TRAP1: variants seen among roughly 807,000 people sequenced by gnomAD.
TRAP1 encodes the protein TNF receptor associated protein 1, also known as heat shock protein 75 kDa, mitochondrial.
A neutral mutation model predicts 89.1 loss-of-function variants in TRAP1; 102 were observed. That is an observed-to-expected ratio of 1.15 (90% CI 0.98 to 1.35). TRAP1 has a LOEUF of 1.35. TRAP1 is among the 40% of genes most tolerant of loss of function. The pLI is 0.00. For synonymous variants in TRAP1, 508 were observed against 388.0 expected, an observed-to-expected ratio of 1.31 and a Z score of -3.64; for missense variants, 1,256 against 945.3, an observed-to-expected ratio of 1.33 and a Z score of -4.31.
chr16:3,672,869 C>T, intron 9 of TRAP1, 49 bp from the exon 10 acceptor site: 1 of 1,571,860 alleles, frequency 6.4e-7, no homozygotes, highest in Non-Finnish European at 8.6e-7. Flanking sequence ...CCTCCCCAGG[C>T]AGGCCCTGGC....
chr16:3,658,471 C>T, intron 17 of TRAP1: 1 of 581,386 alleles, frequency 1.7e-6, no homozygotes, highest in South Asian at 2.1e-5. Context: ...CTCACGAGGT[C>T]AGGAGATTGA....
rs372357533 is a variant in TRAP1 at position 3,675,414 on chromosome 16, A to G, written c.815-17T>C. The G allele has an allele frequency of 3.7e-6, 6 of 1,613,574 alleles. No homozygotes were observed. In the African/African-American group the frequency reaches 6.7e-5, roughly 18 times the overall value. Reference sequence around the variant, plus strand: ...TTACCACATCTGGAAGGGACAAAAGAAAAACCACACTGCATCTACAATGCT... The same window carrying G: ...TTACCACATCTGGAAGGGACAAAAGGAAAACCACACTGCATCTACAATGCT... On this transcript the variant is annotated splice_polypyrimidine_tract_variant and intron_variant, in intron 7 of 17. Transcript: ENST00000246957.
intron 1 of TRAP1, chr16:3,691,213 G>A (rs1394071277): frequency 1.2e-5 from 4 of 345,276 alleles, no homozygotes; most frequent in South Asian, 1.1e-4. Flanking sequence ...TCTCAGAACC[G>A]CAGAAGCGAA....
chr16:3,700,427 A>T (rs1013778077), intron 1 of TRAP1, among the ~76,000 whole-genome samples: 1 of 150,910 alleles, frequency 6.6e-6, no homozygotes, highest in East Asian at 2.0e-4. Flanking sequence ...TCGGCCTCCC[A>T]AAGTGCTAGG....
At chr16:3,674,239 C>G in intron 9 of TRAP1, 100 bp downstream of exon 9, 36 of 1,480,176 alleles carry the variant, frequency 2.4e-5, no homozygotes, top group Non-Finnish European at 3.2e-5. Flanking sequence ...GTTTTTCATG[C>G]CCTCACACTG....
At chr16:3,690,573 AAT>A (rs1337889666) in intron 2 of TRAP1, among the ~76,000 whole-genome samples, 1 of 152,204 alleles carries the variant, frequency 6.6e-6, no homozygotes, top group African/African-American at 2.4e-5. Context: ...ATGTGCCATG[AAT>A]CACCACTCAG....
intron 4 of TRAP1, among the ~76,000 whole-genome samples, chr16:3,684,948 A>G (rs112869128): frequency 1.7e-4 from 26 of 152,212 alleles, no homozygotes; most frequent in Non-Finnish European, 1.0e-4. Context: ...AGAAGACAAA[A>G]GACAAAACCA....
At chr16:3,688,616 G>A (rs2051169465) in intron 3 of TRAP1, among the ~76,000 whole-genome samples, 1 of 151,994 alleles carries the variant, frequency 6.6e-6, no homozygotes, top group Admixed American at 6.6e-5. Flanking sequence ...CTGAGTAGCT[G>A]GGACCACAGG....
intron 9 of TRAP1, 130 bp downstream of exon 9, chr16:3,674,209 C>A (rs2050955107): frequency 1.5e-6 from 2 of 1,291,030 alleles, no homozygotes; most frequent in South Asian, 1.4e-5. Flanking sequence ...GCGTGAGCCA[C>A]CACACCCAGC....
chr16:3,717,385 G>C, intron 1 of TRAP1, 36 bp downstream of exon 1: 1 of 928,684 alleles, frequency 1.1e-6, no homozygotes. Flanking sequence ...CCGTGGCCCG[G>C]CCCGCCCGCT....
Position 3,663,534 on chromosome 16 carries a change from T to C in TRAP1, c.1598A>G (p.Glu533Gly). ...CTCACGAAGGTGCAGCAGGGTGAGC[T>C]CATCAAACTGCTCAAAGCAGAAGAG... ...EVLFCFEQFD[E>G]LTLLHLREFD... The change falls in exon 14 of 18, where the codon GAG becomes GGG. Residue 533 changes from glutamate (E) to glycine (G), a missense_variant. Transcript: ENST00000246957. The C allele has an allele frequency of 6.2e-7, 1 of 1,613,738 alleles. No homozygotes were observed. Among genetic ancestry groups the C allele is most frequent in the Non-Finnish European group, 8.5e-7 (1 of 1,179,948 alleles).
At chr16:3,693,765 G>T (rs937569222) in intron 1 of TRAP1, among the ~76,000 whole-genome samples, 1 of 152,132 alleles carries the variant, frequency 6.6e-6, no homozygotes, top group South Asian at 2.1e-4. Context: ...GGCCAAGGCA[G>T]GAGAATCGCT....
At chr16:3,685,321 C>T (rs1198546927) in intron 4 of TRAP1, among the ~76,000 whole-genome samples, 1 of 152,222 alleles carries the variant, frequency 6.6e-6, no homozygotes, top group Non-Finnish European at 1.5e-5. Flanking sequence ...CTCACAAAAG[C>T]CCCTCCTTTA....
intron 1 of TRAP1, among the ~76,000 whole-genome samples, chr16:3,696,545 A>T (rs1230332734): frequency 6.6e-6 from 1 of 152,046 alleles, no homozygotes; most frequent in Non-Finnish European, 1.5e-5. Context: ...CCACAGCAAT[A>T]ACTGGCTGGT....
intron 3 of TRAP1, among the ~76,000 whole-genome samples, chr16:3,686,813 A>G (rs531140784): frequency 6.6e-6 from 1 of 152,270 alleles, no homozygotes; most frequent in African/African-American, 2.4e-5. Flanking sequence ...TCTACTAAAA[A>G]TATTAAAATT....
At chr16:3,712,163 C>T (rs1194212712) in intron 1 of TRAP1, among the ~76,000 whole-genome samples, 1 of 151,704 alleles carries the variant, frequency 6.6e-6, no homozygotes. Context: ...GTGGCATGCA[C>T]CTGTAGTCCC....
rs561534185 is a variant in TRAP1, at chr16:3,667,871, G to A, written c.1236-1753C>T. Among the ~76,000 whole-genome samples, 244 of 141,620 alleles carry A rather than the reference G, an allele frequency of 1.7e-3. 1 individual carries two copies. The highest frequency in any genetic ancestry group is 6.1e-3 in the African/African-American group (231 of 37,612). The allele number at this position is 141,620 out of a possible 152,430, so 92.9% of individuals were successfully genotyped here. A position where few individuals can be genotyped will look rare whatever the true frequency, so the allele number is the denominator to read the frequency against. ...CCTCCCGGGTTCAAGCAATTCTCCTGCCTCAGCCTCCCAAGTAGCTGGGAT... is the reference window on the plus strand; with the variant it reads ...CCTCCCGGGTTCAAGCAATTCTCCTACCTCAGCCTCCCAAGTAGCTGGGAT... On this transcript the variant is annotated intron_variant, in intron 11 of 17. Transcript: ENST00000246957.
intron 1 of TRAP1, among the ~76,000 whole-genome samples, chr16:3,711,456 G>A (rs538287437): frequency 6.8e-4 from 103 of 152,014 alleles, no homozygotes; most frequent in Middle Eastern, 3.4e-3. Flanking sequence ...AAAATTAGCC[G>A]GGCACGGTAG....
intron 1 of TRAP1, among the ~76,000 whole-genome samples, chr16:3,709,061 C>T (rs1378809072): frequency 1.3e-5 from 2 of 151,610 alleles, no homozygotes; most frequent in African/African-American, 4.8e-5. Flanking sequence ...ATGATCCGCC[C>T]GCCTCGGCCT....
Sources: gnomAD v4.1 joint callset for allele counts (sites outside exome capture counted in the v4.1 genomes callset) on GRCh38, gnomAD v4.1.1 for gene constraint, MANE v1.5 for transcripts, NCBI Gene and HGNC (gene_info 2026-07-23, HGNC 2026-07-21) for gene names.